CLTB: variants seen among roughly 807,000 people sequenced by gnomAD.
CLTB encodes clathrin, light chain (Lcb).
Under a neutral mutation model 30.5 loss-of-function variants are expected in CLTB, and 10 were observed. The ratio of observed to expected loss-of-function variants is 0.33; its 90% confidence interval spans 0.20 to 0.56. The LOEUF (loss-of-function observed/expected upper bound fraction) is 0.56. CLTB is among the 20% of genes least tolerant of loss of function. The pLI is 0.91. For missense variants in CLTB, 261 were observed against 308.3 expected (o/e 0.85, Z 1.15); for synonymous variants, 102 against 120.3 (o/e 0.85, Z 1.00).
At position 176,393,217 on chromosome 5, in the gene CLTB, G is replaced by C. The variant is rs568019605; in HGVS notation, c.519-272C>G. 1.3e-5 allele frequency among the ~76,000 whole-genome samples: 2 copies of C among 152,092 alleles called. No homozygotes were observed. Among genetic ancestry groups the C allele is most frequent in the African/African-American group, 2.4e-5 (1 of 41,420 alleles). ...CTTCTTGTCATTCAGGTCTCAGTGC[G>C]GGCCTCACCTCCTCAGAAAGTCTTC... On this transcript the variant is annotated intron_variant, in intron 5 of 5. Coordinates refer to ENST00000310418, the MANE Select transcript of CLTB (RefSeq NM_007097.5). This position sits in a 1 kb window ranked among gnomAD's most constrained non-coding sequence, Gnocchi z 4.4.
At chr5:176,399,035 G>A (rs1756686818) in intron 2 of CLTB, among the ~76,000 whole-genome samples, 1 of 151,922 alleles carries the variant, frequency 6.6e-6, no homozygotes, top group Admixed American at 6.6e-5. Flanking sequence ...GTAGAGACGG[G>A]GTTTCTCCAT....
At position 176,396,208 on chromosome 5, in the gene CLTB, C is replaced by T. The variant is rs965342242; in HGVS notation, c.518+271G>A. 2.0e-5 allele frequency among the ~76,000 whole-genome samples: 3 copies of T among 152,024 alleles called. No individual in the cohort carries two copies. In the South Asian group the frequency reaches 6.2e-4, roughly 32 times the overall value. The stretch of plus-strand genomic sequence containing the variant: ...AGAGGGAGGGAGTTGGGGTGCTCTG[C>T]CATTTGCCCCTCCCACATGGGAATA... On this transcript the variant is annotated intron_variant, in intron 5 of 5. Coordinates refer to ENST00000310418, the MANE Select transcript of CLTB (RefSeq NM_007097.5).
chr5:176,411,914 T>C lies in CLTB; in HGVS notation c.188-1611A>G, dbSNP rs185607172. On this transcript the variant is annotated intron_variant, in intron 1 of 5. Coordinates refer to ENST00000310418, the MANE Select transcript of CLTB (RefSeq NM_007097.5). ...TTTTTGGGCCGGGCGTGGTGGCTTA[T>C]GCCTGTAATCCCAGCACTTTGGGAG... Among the ~76,000 whole-genome samples, 1,245 of 152,184 alleles carry C rather than the reference T, an allele frequency of 8.2e-3. 8 individuals are homozygous for C. The highest frequency in any genetic ancestry group is 0.023 in the African/African-American group (971 of 41,514).
chr5:176,397,709 G>A lies in CLTB; in HGVS notation c.362C>T (p.Ser121Phe). The A allele has an allele frequency of 6.2e-7, 1 of 1,613,840 alleles. No individual in the cohort carries two copies. The highest frequency in any genetic ancestry group is 8.5e-7 in the Non-Finnish European group (1 of 1,179,884). The change falls in exon 4 of 6, where the codon TCT becomes TTT. Residue 121 changes from serine to phenylalanine, a missense_variant. By Grantham distance (155) the Ser-to-Phe change is radical (BLOSUM62 -2). This residue lies in a region of CLTB where 123 missense variants were observed against 157.0 expected (regional missense o/e 0.78). Coordinates refer to ENST00000310418, the MANE Select transcript of CLTB (RefSeq NM_007097.5). ...RKRLQELDAA[S>F]KVTEQEWREK... is the part of the protein sequence containing the mutation. ...CCGCCATTCCTGTTCCGTGACCTTA[G>A]ATGCAGCATCTAGGACCCCACAAGA...
intron 2 of CLTB, among the ~76,000 whole-genome samples, chr5:176,406,900 T>C (rs1424080346): frequency 6.6e-6 from 1 of 152,164 alleles, no homozygotes; most frequent in Non-Finnish European, 1.5e-5. Flanking sequence ...AACAGAGTCG[T>C]AATGCAAAGC....
At position 176,397,635 on chromosome 5, in the gene CLTB, G is replaced by T. The variant is rs1209510349; in HGVS notation, c.436C>A (p.Gln146Lys). Residue 146 changes from glutamine (Q) to lysine (K), a missense_variant, in exon 4 of 6, where the codon CAA becomes AAA. Physicochemically the swap from Gln to Lys is moderately conservative, Grantham distance 53 (BLOSUM62 1). Coordinates refer to ENST00000310418, the MANE Select transcript of CLTB (RefSeq NM_007097.5). ...TTGTTGATCTTGTTCTTCTCTACTTGTTCACTCTGGCGCTGGTTCCACTCC... is the reference window on the plus strand; with the variant it reads ...TTGTTGATCTTGTTCTTCTCTACTTTTTCACTCTGGCGCTGGTTCCACTCC... ...LEEWNQRQSE[Q>K]VEKNKINNRI... The T allele has an allele frequency of 6.2e-7, 1 of 1,602,064 alleles. No individual in the cohort carries two copies. Among genetic ancestry groups the T allele is most frequent in the African/African-American group, 1.4e-5 (1 of 72,386 alleles).
At chr5:176,403,302 G>A (rs905246427) in intron 2 of CLTB, among the ~76,000 whole-genome samples, 10 of 151,300 alleles carry the variant, frequency 6.6e-5, no homozygotes, top group Non-Finnish European at 1.2e-4. Flanking sequence ...CACCCACCTC[G>A]GCCTCCCAAA....
At position 176,410,993 on chromosome 5, in the gene CLTB, C is replaced by G. The variant is rs114309703; in HGVS notation, c.188-690G>C. ...ATTCACAGTTGCCCTCCACTCTCTCCCGCAGCTCAGCCCCAGCCCAGGACC... is the reference window on the plus strand; with the variant it reads ...ATTCACAGTTGCCCTCCACTCTCTCGCGCAGCTCAGCCCCAGCCCAGGACC... On this transcript the variant is annotated intron_variant, in intron 1 of 5. Transcript: ENST00000310418. Among the ~76,000 whole-genome samples, 751 of 152,332 alleles carry G rather than the reference C, an allele frequency of 4.9e-3. 7 individuals are homozygous for G. Among genetic ancestry groups the G allele is most frequent in the African/African-American group, 0.016 (680 of 41,574 alleles).
intron 2 of CLTB, among the ~76,000 whole-genome samples, chr5:176,409,333 T>C (rs991034153): frequency 6.6e-6 from 1 of 150,888 alleles, no homozygotes; most frequent in Non-Finnish European, 1.5e-5. Flanking sequence ...GTGTATATTA[T>C]TCTGCAAGCT....
chr5:176,405,019 C>A (rs1757034482), intron 2 of CLTB, among the ~76,000 whole-genome samples: 1 of 152,214 alleles, frequency 6.6e-6, no homozygotes, highest in South Asian at 2.1e-4. Flanking sequence ...GGAATAATGA[C>A]AACCAACATC....
chr5:176,394,574 T>A (rs1581421640), intron 5 of CLTB, among the ~76,000 whole-genome samples: 1 of 151,490 alleles, frequency 6.6e-6, no homozygotes, highest in Non-Finnish European at 1.5e-5. Context: ...TCCCAGCACT[T>A]TGGGAGGCCA....
In CLTB at chr5:176,392,636, C is replaced by T. The variant is rs1581418634; in HGVS notation, c.*138G>A. On this transcript the variant is annotated 3_prime_UTR_variant, in exon 6 of 6. Coordinates refer to ENST00000310418, the MANE Select transcript of CLTB (RefSeq NM_007097.5). This position sits in a 1 kb window ranked among gnomAD's most constrained non-coding sequence, Gnocchi z 5.2. Reference sequence around the variant, plus strand: ...GAGGCGTGATGGGGTGAGGGCCCCCCTCCCAGCGCCTGGAGATGGGGAGGA... The same window carrying T: ...GAGGCGTGATGGGGTGAGGGCCCCCTTCCCAGCGCCTGGAGATGGGGAGGA... The T allele has an allele frequency of 4.0e-6, 4 of 1,009,608 alleles. No homozygotes were observed. The highest frequency in any genetic ancestry group is 1.5e-5 in the South Asian group (1 of 64,632). 62.5% of individuals were successfully genotyped at this position (1,009,608 alleles called of 1,614,324 possible). A position where few individuals can be genotyped will look rare whatever the true frequency, so the allele number is the denominator to read the frequency against.
At chr5:176,404,158 G>C (rs1422715607) in intron 2 of CLTB, among the ~76,000 whole-genome samples, 1 of 152,198 alleles carries the variant, frequency 6.6e-6, no homozygotes, top group Non-Finnish European at 1.5e-5. Context: ...TGAATTGCTG[G>C]GTGTGACTCG....
chr5:176,397,258 G>A (rs772983742), intron 4 of CLTB, among the ~76,000 whole-genome samples: 31 of 152,136 alleles, frequency 2.0e-4, no homozygotes, highest in Non-Finnish European at 3.4e-4. Context: ...GAAGGACAGA[G>A]CCTCAAAGGC....
intron 2 of CLTB, among the ~76,000 whole-genome samples, chr5:176,401,032 G>A (rs573142357): frequency 2.0e-5 from 3 of 152,306 alleles, no homozygotes; most frequent in South Asian, 2.1e-4. Flanking sequence ...GCAGCTGGGC[G>A]CCACCCTTAC....
intron 1 of CLTB, among the ~76,000 whole-genome samples, chr5:176,414,601 C>T (rs569423796): frequency 6.6e-6 from 1 of 152,052 alleles, no homozygotes; most frequent in African/African-American, 2.4e-5. Context: ...TGCCACCATG[C>T]CTGGCTAATT....
rs919314417 is a variant in CLTB, at chr5:176,413,539, G to T, written c.187+2638C>A. The stretch of plus-strand genomic sequence containing the variant: ...ACACCAGATACCTCTTTCCCCAGGG[G>T]CAACTGAGCCCAGTGTCAGCACAGA... On this transcript the variant is annotated intron_variant, in intron 1 of 5. Coordinates refer to ENST00000310418, the MANE Select transcript of CLTB (RefSeq NM_007097.5). 6.6e-5 allele frequency among the ~76,000 whole-genome samples: 10 copies of T among 152,210 alleles called. No individual in the cohort carries two copies. The South Asian group carries it at 1.0e-3, about 16-fold the overall frequency.
chr5:176,395,021 C>T (rs1281777566), intron 5 of CLTB, among the ~76,000 whole-genome samples: 4 of 152,064 alleles, frequency 2.6e-5, no homozygotes, highest in Admixed American at 1.3e-4. Context: ...CTGAGCTCAG[C>T]CTTGGCACAA....
rs897935351 is a variant in CLTB, at chr5:176,392,685, C to T, written c.*89G>A. On this transcript the variant is annotated 3_prime_UTR_variant, in exon 6 of 6. Coordinates refer to ENST00000310418, the MANE Select transcript of CLTB (RefSeq NM_007097.5). This position sits in a 1 kb window ranked among gnomAD's most constrained non-coding sequence, Gnocchi z 5.2. ...GAGTGGAATAGGCTGTGGGTAGCAG[C>T]TGCTGCGAGTCTCCACCCCGACCAA... 1.1e-4 allele frequency: 166 copies of T among 1,469,040 alleles called. No individual in the cohort carries two copies. The highest frequency in any genetic ancestry group is 1.5e-4 in the Non-Finnish European group (160 of 1,068,788). 91.0% of individuals were successfully genotyped at this position (1,469,040 alleles called of 1,614,324 possible).
Sources: gnomAD v4.1 joint callset for allele counts (sites outside exome capture counted in the v4.1 genomes callset) on GRCh38, gnomAD v4.1.1 for gene constraint, gnomAD v4.1.1 regional missense constraint, Gnocchi (gnomAD v3.1) non-coding constraint, MANE v1.5 for transcripts, NCBI Gene and HGNC (gene_info 2026-07-23, HGNC 2026-07-21) for gene names.